The following ANO6 variants were observed in gnomAD, a reference collection of about 807,000 sequenced individuals.
ANO6 encodes the protein anoctamin 6.
A neutral mutation model predicts 117.5 loss-of-function variants in ANO6; 106 were observed. The ratio of observed to expected loss-of-function variants is 0.90; its 90% CI spans 0.77 to 1.06. The LOEUF is 1.06. Ranked by LOEUF, ANO6 falls within the 50% of genes least tolerant of loss-of-function variation. ANO6 has a pLI of 0.00. For synonymous variants in ANO6, 367 were observed against 385.1 expected (o/e 0.95, Z 0.55); for missense variants, 955 against 1,121.1 (o/e 0.85, Z 2.12).
intron 1 of ANO6, among the ~76,000 whole-genome samples, chr12:45,261,870 A>G (rs1227582005): frequency 6.6e-6 from 1 of 152,248 alleles, no homozygotes; most frequent in African/African-American, 2.4e-5. Flanking sequence ...CAAAAGCTAA[A>G]TAATACATTT....
intron 2 of ANO6, among the ~76,000 whole-genome samples, chr12:45,326,825 T>C (rs1013800325): frequency 6.6e-6 from 1 of 152,192 alleles, no homozygotes; most frequent in East Asian, 1.9e-4. Context: ...ACAGTGGCTG[T>C]AAATCACACC....
At chr12:45,439,917 T>G (rs778928930) in exon 20 of ANO6, 6 of 1,491,196 alleles carry the variant, frequency 4.0e-6, no homozygotes, top group Admixed American at 2.4e-5. Context: ...CGTGTTTTTC[T>G]GTATCGAATT....
chr12:45,347,401 A>G (rs781447024), intron 4 of ANO6: 16 of 350,538 alleles, frequency 4.6e-5, no homozygotes, highest in Non-Finnish European at 8.2e-5. Context: ...ATTAGAAAAC[A>G]TAAGAATAAG....
At chr12:45,239,616 C>G (rs1947705968) in intron 1 of ANO6, among the ~76,000 whole-genome samples, 1 of 151,830 alleles carries the variant, frequency 6.6e-6, no homozygotes, top group Admixed American at 6.6e-5. Flanking sequence ...TCTTGCTTCT[C>G]TAGTTCTTTT....
intron 10 of ANO6, among the ~76,000 whole-genome samples, chr12:45,384,139 C>T (rs1174559166): frequency 6.6e-6 from 1 of 152,218 alleles, no homozygotes; most frequent in Non-Finnish European, 1.5e-5. Context: ...ACCTCATGAA[C>T]CAACCTCTGC....
chr12:45,360,540 A>G (rs2137484990), intron 8 of ANO6, among the ~76,000 whole-genome samples: 1 of 152,222 alleles, frequency 6.6e-6, no homozygotes, highest in Non-Finnish European at 1.5e-5. Context: ...CATTGAAAAT[A>G]TTTTCTCCCA....
intron 10 of ANO6, among the ~76,000 whole-genome samples, chr12:45,381,834 A>AACTTC (rs1430669670): frequency 2.0e-5 from 3 of 152,170 alleles, no homozygotes; most frequent in African/African-American, 7.2e-5. Context: ...CCCTTATAGC[A>AACTTC]CCGACTAGAG....
At chr12:45,378,921 G>T (rs1262713923) in intron 10 of ANO6, among the ~76,000 whole-genome samples, 1 of 152,076 alleles carries the variant, frequency 6.6e-6, no homozygotes, top group Non-Finnish European at 1.5e-5. Context: ...AATTCTACAG[G>T]ATCTAATTCC....
At chr12:45,228,237 C>T in intron 1 of ANO6, 1 of 434,154 alleles carries the variant, frequency 2.3e-6, no homozygotes, top group South Asian at 1.6e-5. Context: ...CTCAATTGAT[C>T]CTCTTACCTC....
At chr12:45,340,171 T>C (rs1006221439) in intron 3 of ANO6, among the ~76,000 whole-genome samples, 10 of 152,152 alleles carry the variant, frequency 6.6e-5, no homozygotes, top group Non-Finnish European at 1.5e-4. Flanking sequence ...CTTCCTTAAT[T>C]ATGCCAGTCT....
At position 45,390,449 on chromosome 12, in the gene ANO6, G is replaced by T. The variant is rs1369861280; in HGVS notation, c.1337G>T (p.Trp446Leu). ...GAAGAACGCATTCCCTTTACTGCCT[G>T]GGGAAAATGTATACGGATAACCCTC... ...QEEERIPFTA[W>L]GKCIRITLCA... Residue 446 changes from tryptophan (W) to leucine (L), a missense_variant, in exon 12 of 20, where the codon TGG becomes TTG. Transcript: ENST00000320560. 3 of 1,613,864 alleles carry T rather than the reference G, an allele frequency of 1.9e-6. No homozygotes were observed. The Admixed American group carries it at 5.0e-5, about 27-fold the overall frequency.
At chr12:45,227,807 G>C (rs1947507767) in intron 1 of ANO6, among the ~76,000 whole-genome samples, 1 of 152,162 alleles carries the variant, frequency 6.6e-6, no homozygotes, top group African/African-American at 2.4e-5. Context: ...CAGATTAAGG[G>C]TAATGACAGT....
chr12:45,375,052 C>T (rs1353187973), intron 9 of ANO6, among the ~76,000 whole-genome samples: 1 of 151,860 alleles, frequency 6.6e-6, no homozygotes, highest in African/African-American at 2.4e-5. Context: ...CATTCTTATA[C>T]ACCAACAACA....
Position 45,350,832 on chromosome 12 carries a change from A to G in ANO6, c.863+58A>G, listed in dbSNP as rs1941261822. 3 of 1,369,178 alleles carry G rather than the reference A, an allele frequency of 2.2e-6. No homozygotes were observed. The South Asian group carries it at 3.6e-5, about 17-fold the overall frequency. The allele number at this position is 1,369,178 out of a possible 1,614,324, so 84.8% of individuals were successfully genotyped here. A position where few individuals can be genotyped will look rare whatever the true frequency, so the allele number is the denominator to read the frequency against. ...GCACTCAGGGTGTTACCCCCACAGC[A>G]TCTGAATGTGACAGTACTCATCAAG... On this transcript the variant is annotated intron_variant, in intron 7 of 19. Transcript: ENST00000320560.
At chr12:45,432,693 A>T (rs537498961), downstream of ANO6, among the ~76,000 whole-genome samples, 5 of 152,220 alleles carry the variant, frequency 3.3e-5, no homozygotes, top group Non-Finnish European at 7.3e-5. Flanking sequence ...TAAATGTAGC[A>T]TATTCCATTC....
intron 1 of ANO6, among the ~76,000 whole-genome samples, chr12:45,291,925 A>C (rs1197427020): frequency 6.6e-6 from 1 of 152,200 alleles, no homozygotes; most frequent in African/African-American, 2.4e-5. Flanking sequence ...TTAAAAAGCA[A>C]ACATAATTAT....
chr12:45,398,489 T>C (rs1189630719), intron 12 of ANO6, among the ~76,000 whole-genome samples: 1 of 152,212 alleles, frequency 6.6e-6, no homozygotes, highest in Admixed American at 6.5e-5. Flanking sequence ...CTCAAAAATA[T>C]TCATATGCTT....
chr12:45,344,561 A>C (rs574051305), intron 3 of ANO6, among the ~76,000 whole-genome samples: 8 of 152,308 alleles, frequency 5.3e-5, no homozygotes, highest in African/African-American at 1.9e-4. Flanking sequence ...CACTATCACA[A>C]GAACAGCAAG....
intron 1 of ANO6, 55 bp downstream of exon 1, chr12:45,216,446 A>G: frequency 6.3e-7 from 1 of 1,584,708 alleles, no homozygotes; most frequent in Non-Finnish European, 8.6e-7. Flanking sequence ...CGCGGGAAGA[A>G]GTTCGGGGAC....
Sources: gnomAD v4.1 joint callset for allele counts (sites outside exome capture counted in the v4.1 genomes callset) on GRCh38, gnomAD v4.1.1 for gene constraint, MANE v1.5 for transcripts, NCBI Gene and HGNC (gene_info 2026-07-23, HGNC 2026-07-21) for gene names.